ADAMTS6: variants seen among roughly 807,000 people sequenced by gnomAD.
ADAMTS6 encodes the protein ADAM metallopeptidase with thrombospondin type 1 motif 6.
ADAMTS6 carries 23 observed loss-of-function variants against 144.3 expected under a neutral mutation model. That is an observed-to-expected ratio of 0.16 (90% CI 0.11 to 0.23). The LOEUF (loss-of-function observed/expected upper bound fraction) is 0.23, where lower values mean the gene tolerates loss of function less well. Among genes scored for constraint, ADAMTS6 ranks in the 10% least tolerant of loss-of-function variants. The probability of loss-of-function intolerance (pLI) is 1.00; values close to 1 mark genes in which losing one functional copy is unlikely to be tolerated. For missense variants in ADAMTS6, 999 were observed against 1,379.6 expected (o/e 0.72, Z 4.37); for synonymous variants, 444 against 457.5 (o/e 0.97, Z 0.38).
At chr5:65,206,819 TTCTC>T (rs1209937051) in intron 20 of ADAMTS6, among the ~76,000 whole-genome samples, 19 of 124,468 alleles carry the variant, frequency 1.5e-4, no homozygotes, top group Non-Finnish European at 8.4e-5. Flanking sequence ...GCTGTTTTTT[TTCTC>T]TCTCTCTCTC....
intron 22 of ADAMTS6, 88 bp from the exon 23 acceptor site, chr5:65,173,096 T>C (rs144337843): frequency 0.014 from 18,231 of 1,345,686 alleles, 143 homozygotes; most frequent in Non-Finnish European, 0.016. Flanking sequence ...AAATGTGTGT[T>C]TTAGTATAGA....
chr5:65,374,903 A>C (rs1373296166), intron 7 of ADAMTS6, among the ~76,000 whole-genome samples: 1 of 152,210 alleles, frequency 6.6e-6, no homozygotes, highest in Non-Finnish European at 1.5e-5. Flanking sequence ...CACTGGTACC[A>C]AAACAGAGAT....
intron 12 of ADAMTS6, among the ~76,000 whole-genome samples, chr5:65,268,227 A>G (rs571095437): frequency 6.6e-6 from 1 of 152,306 alleles, no homozygotes; most frequent in African/African-American, 2.4e-5. Context: ...ATACTGGGCT[A>G]TATCTCTAAT....
intron 7 of ADAMTS6, among the ~76,000 whole-genome samples, chr5:65,405,870 T>G (rs918453841): frequency 7.2e-5 from 11 of 152,180 alleles, no homozygotes; most frequent in African/African-American, 2.4e-4. Context: ...ACATCCCTTG[T>G]AAGTTGGATT....
chr5:65,310,517 T>C (rs541150188), intron 9 of ADAMTS6, among the ~76,000 whole-genome samples: 44 of 152,154 alleles, frequency 2.9e-4, no homozygotes, highest in African/African-American at 1.1e-3. Flanking sequence ...AGAATGACAC[T>C]GTGTCTCAAA....
chr5:65,311,594 T>C (rs1479118332), intron 9 of ADAMTS6, among the ~76,000 whole-genome samples: 4 of 152,100 alleles, frequency 2.6e-5, no homozygotes, highest in Admixed American at 2.6e-4. Flanking sequence ...TTTTAAGATA[T>C]ATGAGGCAGC....
At chr5:65,172,029 G>T (rs963775524) in intron 23 of ADAMTS6, among the ~76,000 whole-genome samples, 2 of 123,524 alleles carry the variant, frequency 1.6e-5, no homozygotes, top group Non-Finnish European at 3.5e-5. Flanking sequence ...TGTTTACAGG[G>T]TCAACACATT....
chr5:65,311,748 A>C (rs1744514088), intron 9 of ADAMTS6, among the ~76,000 whole-genome samples: 1 of 152,032 alleles, frequency 6.6e-6, no homozygotes, highest in African/African-American at 2.4e-5. Context: ...TTCTGTTGGG[A>C]GATTTGTAAG....
At position 65,339,174 on chromosome 5, in the gene ADAMTS6, C is replaced by T. The variant is rs115101187; in HGVS notation, c.1074-5089G>A. ...GAGAAATAGCCCAGCAAGCCCACCC[C>T]GGCAAAGCTATGCCACCATCAAAAC... On this transcript the variant is annotated intron_variant, in intron 7 of 24. Coordinates refer to ENST00000381055, the MANE Select transcript of ADAMTS6 (RefSeq NM_197941.4). Among the ~76,000 whole-genome samples the T allele has an allele frequency of 2.5e-3, 387 of 152,280 alleles. 3 individuals carry two copies. Among genetic ancestry groups the T allele is most frequent in the Middle Eastern group, 6.8e-3 (2 of 294 alleles).
At chr5:65,312,337 G>T (rs750299673) in intron 9 of ADAMTS6, among the ~76,000 whole-genome samples, 4 of 151,974 alleles carry the variant, frequency 2.6e-5, no homozygotes, top group Non-Finnish European at 5.9e-5. Context: ...TTCCATTAGA[G>T]AACTGTTCTT....
intron 7 of ADAMTS6, among the ~76,000 whole-genome samples, chr5:65,383,071 C>T (rs1752175707): frequency 6.6e-6 from 1 of 152,138 alleles, no homozygotes; most frequent in African/African-American, 2.4e-5. Flanking sequence ...CTCTCAGGAC[C>T]TAGTCACCTC....
At chr5:65,257,462 T>A (rs1192119030) in intron 14 of ADAMTS6, among the ~76,000 whole-genome samples, 3 of 152,210 alleles carry the variant, frequency 2.0e-5, no homozygotes, top group Non-Finnish European at 4.4e-5. Flanking sequence ...GTCCTTAATT[T>A]ATTCCCTGTT....
chr5:65,182,255 T>G (rs1754405221), intron 22 of ADAMTS6, among the ~76,000 whole-genome samples: 2 of 151,878 alleles, frequency 1.3e-5, no homozygotes. Flanking sequence ...GACCACAGCC[T>G]GGCCAACATA....
At chr5:65,251,076 G>A (rs1277659212) in intron 14 of ADAMTS6, 3 of 152,152 alleles carry the variant, frequency 2.0e-5, no homozygotes, top group Admixed American at 1.3e-4. Flanking sequence ...TGCCTGATTA[G>A]TAGTCAGTGT....
chr5:65,357,661 C>A (rs1749449640), intron 7 of ADAMTS6, among the ~76,000 whole-genome samples: 1 of 151,420 alleles, frequency 6.6e-6, no homozygotes, highest in Non-Finnish European at 1.5e-5. Context: ...GATGGCAATA[C>A]AATTGAACCA....
chr5:65,218,804 AAAG>A (rs1464982928), intron 18 of ADAMTS6, among the ~76,000 whole-genome samples: 2 of 151,856 alleles, frequency 1.3e-5, no homozygotes, highest in Non-Finnish European at 2.9e-5. Context: ...TATAACATAT[AAAG>A]AAGTAGAAAG....
In ADAMTS6 at chr5:65,265,499, G is replaced by A. The variant is rs77657783; in HGVS notation, c.1621-2537C>T. Among the ~76,000 whole-genome samples, 72 of 151,966 alleles carry A rather than the reference G, an allele frequency of 4.7e-4. No homozygotes were observed. The Middle Eastern group carries it at 0.01, about 22-fold the overall frequency. On this transcript the variant is annotated intron_variant, in intron 12 of 24. Coordinates refer to ENST00000381055, the MANE Select transcript of ADAMTS6 (RefSeq NM_197941.4). ...GTTTTCTTACTACAAGTAACTGTGT[G>A]TAAAAATATTTATGTTTGCACCCAG...
chr5:65,200,032 T>G (rs1755632707), intron 20 of ADAMTS6, among the ~76,000 whole-genome samples: 1 of 152,168 alleles, frequency 6.6e-6, no homozygotes, highest in Non-Finnish European at 1.5e-5. Flanking sequence ...ACATTTGTCT[T>G]TTATTAATTT....
chr5:65,355,888 A>G (rs1386222874), intron 7 of ADAMTS6, among the ~76,000 whole-genome samples: 3 of 151,814 alleles, frequency 2.0e-5, no homozygotes, highest in African/African-American at 2.4e-5. Flanking sequence ...TGGAATTATA[A>G]TTGCTGTCAT....
Sources: allele counts gnomAD v4.1 joint callset (sites outside exome capture counted in the v4.1 genomes callset), GRCh38; gene constraint gnomAD v4.1.1; transcripts MANE v1.5; gene names NCBI Gene and HGNC (gene_info 2026-07-23, HGNC 2026-07-21).